Variants in KCNJ6 observed in about 807,000 individuals in gnomAD.
The protein encoded by KCNJ6 is potassium inwardly rectifying channel subfamily J member 6, also known as G protein-activated inward rectifier potassium channel 2.
A neutral mutation model predicts 34.2 loss-of-function variants in KCNJ6; 9 were observed. The observed-to-expected ratio is 0.26, with a 90% CI of 0.16 to 0.46. The LOEUF is 0.46. KCNJ6 is among the 20% of genes least tolerant of loss of function. KCNJ6 has a pLI of 1.00. For missense variants in KCNJ6, 236 were observed against 531.3 expected, an observed-to-expected ratio of 0.44 and a Z score of 5.46; for synonymous variants, 196 against 207.1, an observed-to-expected ratio of 0.95 and a Z score of 0.46.
At chr21:37,786,574 G>A (rs1018448937) in intron 2 of KCNJ6, among the ~76,000 whole-genome samples, 3 of 152,200 alleles carry the variant, frequency 2.0e-5, no homozygotes, top group Non-Finnish European at 4.4e-5. Context: ...CAGCTACCCC[G>A]ATTGGTGGCC....
intron 2 of KCNJ6, among the ~76,000 whole-genome samples, chr21:37,745,320 C>T (rs1470160196): frequency 6.6e-6 from 1 of 151,984 alleles, no homozygotes; most frequent in African/African-American, 2.4e-5. Flanking sequence ...TGAGGTATTA[C>T]TCTGTTGCCC....
rs761263300 is a variant in KCNJ6 at position 37,612,665 on chromosome 21, C to G, written c.*12494G>C. ...AAGGAGCACAGGCAAAACAGTGCGG[C>G]AAAGAGGGTCTTTTCAACAAACGGT... On this transcript the variant is annotated 3_prime_UTR_variant, in exon 4 of 4. Transcript: ENST00000609713. The G allele has an allele frequency of 7.1e-6, 1 of 140,110 alleles. No individual in the cohort carries two copies. Among genetic ancestry groups the G allele is most frequent in the Non-Finnish European group, 1.5e-5 (1 of 65,708 alleles). The allele number at this position is 140,110 out of a possible 1,614,324, so 8.7% of individuals were successfully genotyped here. A position where few individuals can be genotyped will look rare whatever the true frequency, so the allele number is the denominator to read the frequency against.
chr21:37,719,380 T>G (rs2054812255), intron 2 of KCNJ6: 1 of 152,180 alleles, frequency 6.6e-6, no homozygotes, highest in African/African-American at 2.4e-5. Flanking sequence ...GAATCGCATC[T>G]CCAGGAGCAT....
At chr21:37,886,707 A>G (rs1422320128) in intron 1 of KCNJ6, among the ~76,000 whole-genome samples, 1 of 152,006 alleles carries the variant, frequency 6.6e-6, no homozygotes, top group Non-Finnish European at 1.5e-5. Flanking sequence ...CTGCCTCTCC[A>G]TTTTCACTTT....
At chr21:37,807,584 T>C (rs972879104) in intron 2 of KCNJ6, among the ~76,000 whole-genome samples, 1 of 152,234 alleles carries the variant, frequency 6.6e-6, no homozygotes, top group Non-Finnish European at 1.5e-5. Context: ...CAAATACCAT[T>C]GTGTTCCAAT....
At chr21:37,818,211 CGTGTGTGTGTGTGTGTGTGT>C (rs10539396) in intron 2 of KCNJ6, among the ~76,000 whole-genome samples, 2 of 148,216 alleles carry the variant, frequency 1.3e-5, no homozygotes, top group South Asian at 4.3e-4. Flanking sequence ...TGTGTGCGTG[CGTGTGTGTGTGTGTGTGTGT>C]GTGTGTGTGT....
In KCNJ6 at chr21:37,619,025, T is replaced by C. The variant is rs1402848054; in HGVS notation, c.*6134A>G. ...GAAGGGTCACAAGCTTTTTGCATGA[T>C]CTATATTGTAGATACCATTACCTAC... On this transcript the variant is annotated 3_prime_UTR_variant, in exon 4 of 4. Coordinates refer to ENST00000609713, the MANE Select transcript of KCNJ6 (RefSeq NM_002240.5). 6.6e-6 allele frequency: 1 copy of C among 152,254 alleles called. No homozygotes were observed. Among genetic ancestry groups the C allele is most frequent in the African/African-American group, 2.4e-5 (1 of 41,472 alleles). The allele number at this position is 152,254 out of a possible 1,614,324, so 9.4% of individuals were successfully genotyped here.
At chr21:37,673,938 C>T (rs1340853182) in intron 3 of KCNJ6, among the ~76,000 whole-genome samples, 1 of 152,162 alleles carries the variant, frequency 6.6e-6, no homozygotes, top group Non-Finnish European at 1.5e-5. Flanking sequence ...ATGCTGTTCC[C>T]TCAGGGTTTA....
Position 37,781,297 on chromosome 21 carries a change from G to C in KCNJ6, c.25+59361C>G, listed in dbSNP as rs552080415. The stretch of plus-strand genomic sequence containing the variant: ...CCTCGATTGTGTGACAAATATTTTC[G>C]TGTGCCAGCATAATCCGAACTTTGG... On this transcript the variant is annotated intron_variant, in intron 2 of 3. Transcript: ENST00000609713. Among the ~76,000 whole-genome samples the C allele has an allele frequency of 2.6e-5, 4 of 152,312 alleles. No homozygotes were observed. The East Asian group carries it at 7.7e-4, about 29-fold the overall frequency.
intron 3 of KCNJ6, among the ~76,000 whole-genome samples, chr21:37,710,827 G>A (rs2054747982): frequency 6.6e-6 from 1 of 152,250 alleles, no homozygotes; most frequent in Non-Finnish European, 1.5e-5. Flanking sequence ...AATCGCCCAT[G>A]TGTCAGGAAC....
chr21:37,634,711 TTAAAA>T lies in KCNJ6; in HGVS notation c.947-9232_947-9228del, dbSNP rs1348045362. ...TTAAAAATATACCACTTTTATGAAG[TTAAAA>T]TAAGCATAAGTGAATAATATAGTAT... On this transcript the variant is annotated intron_variant, in intron 3 of 3. Coordinates refer to ENST00000609713, the MANE Select transcript of KCNJ6 (RefSeq NM_002240.5). Among the ~76,000 whole-genome samples, 9 of 152,226 alleles carry T rather than the reference TTAAAA, an allele frequency of 5.9e-5. No individual in the cohort carries two copies. In the South Asian group the frequency reaches 8.3e-4, roughly 14 times the overall value.
intron 2 of KCNJ6, among the ~76,000 whole-genome samples, chr21:37,764,970 A>C: frequency 6.6e-6 from 1 of 152,196 alleles, no homozygotes; most frequent in East Asian, 1.9e-4. Flanking sequence ...GTTGTGCTGG[A>C]ATCAGCTGTA....
At chr21:37,758,817 G>A (rs1460815927) in intron 2 of KCNJ6, among the ~76,000 whole-genome samples, 1 of 152,088 alleles carries the variant, frequency 6.6e-6, no homozygotes, top group African/African-American at 2.4e-5. Flanking sequence ...TTTTTGTAGA[G>A]ATGAGAGCTT....
At chr21:37,639,399 T>TACA (rs1264813166) in intron 3 of KCNJ6, among the ~76,000 whole-genome samples, 2 of 152,212 alleles carry the variant, frequency 1.3e-5, no homozygotes, top group Non-Finnish European at 2.9e-5. Context: ...CACGAGGTTG[T>TACA]ACAATCAAAA....
intron 3 of KCNJ6, among the ~76,000 whole-genome samples, chr21:37,649,132 C>CAAAAAAA (rs1169306298): frequency 2.0e-4 from 8 of 39,946 alleles, no homozygotes; most frequent in African/African-American, 4.3e-4. Flanking sequence ...GACTCCATCT[C>CAAAAAAA]AAAAAAAAAA....
intron 2 of KCNJ6, among the ~76,000 whole-genome samples, chr21:37,758,381 A>G (rs998640900): frequency 2.0e-5 from 3 of 152,184 alleles, no homozygotes; most frequent in Non-Finnish European, 4.4e-5. Flanking sequence ...TGCTGTAAAT[A>G]TCACCTCCTC....
At chr21:37,875,422 G>C (rs949965893) in intron 1 of KCNJ6, among the ~76,000 whole-genome samples, 4 of 152,020 alleles carry the variant, frequency 2.6e-5, no homozygotes, top group African/African-American at 9.7e-5. Context: ...AGTGCTTTTT[G>C]ACCCCAAGCC....
At chr21:37,709,524 AAAAG>A (rs1289837906) in intron 3 of KCNJ6, among the ~76,000 whole-genome samples, 4 of 107,978 alleles carry the variant, frequency 3.7e-5, no homozygotes, top group Admixed American at 2.0e-4. Flanking sequence ...CAAAAAAAAG[AAAAG>A]AAAAGAAAAG....
intron 2 of KCNJ6, among the ~76,000 whole-genome samples, chr21:37,824,791 CTG>C (rs893768217): frequency 5.0e-4 from 76 of 152,214 alleles, no homozygotes; most frequent in African/African-American, 1.7e-3. Flanking sequence ...CCTGTTAAGC[CTG>C]TGAGTCAATT....
Sources: gnomAD v4.1 joint callset for allele counts (sites outside exome capture counted in the v4.1 genomes callset) on GRCh38, gnomAD v4.1.1 for gene constraint, MANE v1.5 for transcripts, NCBI Gene and HGNC (gene_info 2026-07-23, HGNC 2026-07-21) for gene names.